Variants in RAB27B observed in about 807,000 individuals in gnomAD.
RAB27B encodes the protein RAB27B, member RAS oncogene family.
In RAB27B, 15 loss-of-function variants were observed where a neutral mutation model predicts 24.6. The ratio of observed to expected loss-of-function variants is 0.61; its 90% confidence interval spans 0.41 to 0.94. RAB27B has a LOEUF of 0.94. RAB27B is among the 40% of genes least tolerant of loss of function. RAB27B has a pLI of 0.00. For synonymous variants in RAB27B, 105 were observed against 92.5 expected (o/e 1.14, Z -0.78); for missense variants, 261 against 266.8 (o/e 0.98, Z 0.15).
At chr18:54,829,398 G>T (rs1910588073) in intron 1 of RAB27B, among the ~76,000 whole-genome samples, 1 of 152,142 alleles carries the variant, frequency 6.6e-6, no homozygotes, top group African/African-American at 2.4e-5. Context: ...AGCTGTGTTT[G>T]GTTAGAGCCT....
intron 1 of RAB27B, among the ~76,000 whole-genome samples, chr18:54,867,853 A>C (rs1262069990): frequency 6.6e-6 from 1 of 152,188 alleles, no homozygotes; most frequent in African/African-American, 2.4e-5. Context: ...CCATGAGAGA[A>C]AATGAGAACT....
chr18:54,859,629 T>G (rs988842262), intron 1 of RAB27B, among the ~76,000 whole-genome samples: 1 of 152,196 alleles, frequency 6.6e-6, no homozygotes, highest in Admixed American at 6.5e-5. Context: ...AACTTTAAAA[T>G]GCACCAAACA....
In RAB27B at chr18:54,887,979, C is replaced by T. The variant is rs761067597; in HGVS notation, c.344-16C>T. On this transcript the variant is annotated splice_polypyrimidine_tract_variant and intron_variant, in intron 4 of 5. Transcript: ENST00000262094. ...TTTATCAATAACTTGCTGGTTCCAT[C>T]TGCTTTCTTTTCAAGGCCAACTGCA... The T allele has an allele frequency of 1.2e-6, 2 of 1,606,922 alleles. No homozygotes were observed. Among genetic ancestry groups the T allele is most frequent in the African/African-American group, 2.7e-5 (2 of 74,808 alleles).
intron 2 of RAB27B, among the ~76,000 whole-genome samples, chr18:54,755,331 A>C (rs1907968294): frequency 6.6e-6 from 1 of 152,222 alleles, no homozygotes; most frequent in Non-Finnish European, 1.5e-5. Flanking sequence ...CAGAGGTTGC[A>C]GTGAGCTGAG....
At chr18:54,741,701 C>T (rs1458203744) in intron 2 of RAB27B, among the ~76,000 whole-genome samples, 1 of 152,088 alleles carries the variant, frequency 6.6e-6, no homozygotes, top group Non-Finnish European at 1.5e-5. Flanking sequence ...GAGGGTCTCA[C>T]CATGTTGCCC....
chr18:54,892,428 C>T lies in RAB27B; in HGVS notation c.*3015C>T, dbSNP rs1913404706. Reference sequence around the variant, plus strand: ...AGGGATGCAAGGACTTTATTGGAATCTGGAGAGTTTAACTGCCTTCTCTTG... The same window carrying T: ...AGGGATGCAAGGACTTTATTGGAATTTGGAGAGTTTAACTGCCTTCTCTTG... On this transcript the variant is annotated 3_prime_UTR_variant, in exon 6 of 6. Coordinates refer to ENST00000262094, the MANE Select transcript of RAB27B (RefSeq NM_004163.4). 1 of 152,044 alleles carries T rather than the reference C, an allele frequency of 6.6e-6. No homozygotes were observed. The highest frequency in any genetic ancestry group is 2.1e-4 in the South Asian group (1 of 4,820). The allele number at this position is 152,044 out of a possible 1,614,324, so 9.4% of individuals were successfully genotyped here.
intron 2 of RAB27B, among the ~76,000 whole-genome samples, chr18:54,730,569 G>T (rs746680080): frequency 7.9e-5 from 12 of 152,136 alleles, no homozygotes; most frequent in Non-Finnish European, 1.3e-4. Context: ...GGGCCCGGTG[G>T]AGGTGTTTGG....
Position 54,879,453 on chromosome 18 carries a change from C to T in RAB27B, c.238C>T (p.Arg80Trp), listed in dbSNP as rs376553954. The change falls in exon 3 of 6, where the codon CGG (arginine) becomes TGG (tryptophan). Residue 80 changes from arginine to tryptophan, a missense_variant and splice_region_variant. Arg to Trp is a moderately radical substitution (Grantham distance 101, BLOSUM62 -3). Transcript: ENST00000262094. ...GCTTTGGGACACTGCGGGACAAGAG[C>T]GGTAATAGTAAATTGCTTTATTTGT... ...LQLWDTAGQERFRSLTTAFFR... is the reference protein window; with the variant it reads ...LQLWDTAGQEWFRSLTTAFFR... 16 of 1,607,976 alleles carry T rather than the reference C, an allele frequency of 1.0e-5. No individual in the cohort carries two copies. Among genetic ancestry groups the T allele is most frequent in the African/African-American group, 8.0e-5 (6 of 74,716 alleles).
intron 2 of RAB27B, among the ~76,000 whole-genome samples, chr18:54,739,586 A>C (rs1406134549): frequency 1.4e-5 from 2 of 139,732 alleles, no homozygotes; most frequent in African/African-American, 5.5e-5. Flanking sequence ...TAAAGTTGCT[A>C]TGACCTTTGA....
chr18:54,827,096 T>C (rs1910499486), upstream of RAB27B, among the ~76,000 whole-genome samples: 1 of 152,214 alleles, frequency 6.6e-6, no homozygotes, highest in Admixed American at 6.5e-5. Flanking sequence ...TACTTAGATA[T>C]TGCTGTTAAA....
chr18:54,815,206 G>A (rs963446596), intron 2 of RAB27B, among the ~76,000 whole-genome samples: 1 of 152,104 alleles, frequency 6.6e-6, no homozygotes, highest in Admixed American at 6.6e-5. Flanking sequence ...TAACTACTTC[G>A]ATTGTTTTCC....
intron 2 of RAB27B, among the ~76,000 whole-genome samples, chr18:54,821,623 A>C (rs1046055272): frequency 5.3e-5 from 8 of 152,230 alleles, no homozygotes; most frequent in African/African-American, 1.9e-4. Flanking sequence ...AAAAGAACAA[A>C]GCTGGAGGCA....
At chr18:54,872,172 A>G (rs979443382) in intron 1 of RAB27B, among the ~76,000 whole-genome samples, 8 of 152,146 alleles carry the variant, frequency 5.3e-5, no homozygotes, top group African/African-American at 1.9e-4. Context: ...GCCCTGACCT[A>G]TTCAACCGAC....
intron 1 of RAB27B, among the ~76,000 whole-genome samples, chr18:54,859,182 C>T (rs1347100758): frequency 6.6e-6 from 1 of 152,144 alleles, no homozygotes; most frequent in Non-Finnish European, 1.5e-5. Context: ...CTGGAAAATA[C>T]AGGCAAAGCT....
intron 2 of RAB27B, among the ~76,000 whole-genome samples, chr18:54,800,372 A>G (rs757273467): frequency 2.6e-4 from 39 of 152,360 alleles, no homozygotes; most frequent in Admixed American, 1.2e-3. Context: ...GAACGCATAC[A>G]TTTTTAATGT....
At chr18:54,881,786 A>T (rs1386687921) in intron 3 of RAB27B, among the ~76,000 whole-genome samples, 1 of 152,164 alleles carries the variant, frequency 6.6e-6, no homozygotes, top group Admixed American at 6.5e-5. Flanking sequence ...ACTGCTCTGG[A>T]ACAAGCGTGT....
intron 1 of RAB27B, among the ~76,000 whole-genome samples, chr18:54,834,673 G>T (rs886159871): frequency 7.0e-6 from 1 of 141,864 alleles, no homozygotes; most frequent in East Asian, 2.0e-4. Flanking sequence ...GTGCATAAGT[G>T]TATATATATG....
chr18:54,756,372 C>A (rs1156378661), intron 2 of RAB27B, among the ~76,000 whole-genome samples: 2 of 152,124 alleles, frequency 1.3e-5, no homozygotes, highest in Non-Finnish European at 2.9e-5. Flanking sequence ...TTAATTAGGT[C>A]TCCCACATTA....
At position 54,819,315 on chromosome 18, in the gene RAB27B, AT is replaced by A. The variant is rs551132194; in HGVS notation, c.-19-58251del. 2.7e-4 allele frequency among the ~76,000 whole-genome samples: 40 copies of A among 148,548 alleles called. 1 individual carries two copies. Among genetic ancestry groups the A allele is most frequent in the Admixed American group, 2.5e-3 (37 of 14,894 alleles). On this transcript the variant is annotated intron_variant, in intron 2 of 4. Transcript: ENST00000586570. Reference sequence around the variant, plus strand: ...TTAGAAATATAATAAAAAATAAAAAATAATTCCTTATAGTCATATAAGCTGT... The same window carrying A: ...TTAGAAATATAATAAAAAATAAAAAAAATTCCTTATAGTCATATAAGCTGT...
Sources: gnomAD v4.1 joint callset for allele counts (sites outside exome capture counted in the v4.1 genomes callset) on GRCh38, gnomAD v4.1.1 for gene constraint, MANE v1.5 for transcripts, NCBI Gene and HGNC (gene_info 2026-07-23, HGNC 2026-07-21) for gene names.